Variants in FGD6 observed in about 807,000 individuals in gnomAD.
FGD6 encodes the protein FYVE, RhoGEF and PH domain containing 6, also known as FYVE, RhoGEF and PH domain-containing protein 6.
A neutral mutation model predicts 149.4 loss-of-function variants in FGD6; 90 were observed. The observed-to-expected ratio is 0.60, with a 90% CI of 0.51 to 0.72. FGD6 has a LOEUF of 0.72. FGD6 is among the 30% of genes least tolerant of loss of function. The pLI, the probability that FGD6 is intolerant of heterozygous loss-of-function variation, is 0.00. For missense variants in FGD6, 1,437 were observed against 1,684.8 expected, an observed-to-expected ratio of 0.85 and a Z score of 2.57; for synonymous variants, 527 against 584.0, an observed-to-expected ratio of 0.90 and a Z score of 1.41.
rs1388495716 is a variant in FGD6, at chr12:95,208,927, G to C, written c.2357C>G (p.Ala786Gly). 1.2e-6 allele frequency: 2 copies of C among 1,614,088 alleles called. No homozygotes were observed. Among genetic ancestry groups the C allele is most frequent in the South Asian group, 2.2e-5 (2 of 91,072 alleles). The change falls in exon 2 of 21, where the codon GCT (alanine) becomes GGT (glycine). Residue 786 changes from alanine to glycine, a missense_variant. Ala to Gly is a moderately conservative substitution (Grantham distance 60, BLOSUM62 0). Transcript: ENST00000343958. ...EWQNSSSMED[A>G]DANVYEVEEP... ...TTCTACCTCATACACATTTGCATCA[G>C]CGTCCTCCATGCTGCTGGAATTCTG...
Position 95,209,408 on chromosome 12 carries a change from A to C in FGD6, c.1876T>G (p.Ser626Ala). The change falls in exon 2 of 21, where the codon TCT (serine) becomes GCT (alanine). Residue 626 changes from serine to alanine, a missense_variant. Physicochemically the swap from Ser to Ala is moderately conservative, Grantham distance 99. Coordinates refer to ENST00000343958, the MANE Select transcript of FGD6 (RefSeq NM_018351.4). Reference sequence around the variant, plus strand: ...TTCATGCTGAGCAACTTTTTAAAAGAGTTTTTCTTTGTAGAGTCTTTGCAA... The same window carrying C: ...TTCATGCTGAGCAACTTTTTAAAAGCGTTTTTCTTTGTAGAGTCTTTGCAA... Reference protein sequence around the residue: ...KPCKDSTKKNSFKKLLSMKLS... With the variant: ...KPCKDSTKKNAFKKLLSMKLS... 2.5e-6 allele frequency: 4 copies of C among 1,612,954 alleles called. No individual in the cohort carries two copies. The highest frequency in any genetic ancestry group is 2.5e-6 in the Non-Finnish European group (3 of 1,179,292).
At chr12:95,083,011 A>AC (rs34409814) in intron 20 of FGD6, among the ~76,000 whole-genome samples, 3 of 60,726 alleles carry the variant, frequency 4.9e-5, no homozygotes, top group African/African-American at 1.9e-4. Context: ...AAAAAAAAAA[A>AC]AATATATATA....
At chr12:95,144,788 A>T (rs1879958014) in intron 5 of FGD6, among the ~76,000 whole-genome samples, 1 of 151,602 alleles carries the variant, frequency 6.6e-6, no homozygotes, top group Non-Finnish European at 1.5e-5. Context: ...CCCGAGTTCA[A>T]GTGATTTCTC....
At chr12:95,177,759 A>G (rs1355272754) in intron 2 of FGD6, among the ~76,000 whole-genome samples, 1 of 152,180 alleles carries the variant, frequency 6.6e-6, no homozygotes, top group Non-Finnish European at 1.5e-5. Context: ...ATAGCACACT[A>G]ACTATAAAAT....
chr12:95,097,658 A>AAAAC (rs1878281574), intron 14 of FGD6, among the ~76,000 whole-genome samples: 1 of 151,006 alleles, frequency 6.6e-6, no homozygotes, highest in Non-Finnish European at 1.5e-5. Context: ...AAAAAAAAAA[A>AAAAC]AGACCATGCC....
chr12:95,101,563 G>A (rs1009273288), intron 14 of FGD6, among the ~76,000 whole-genome samples: 5 of 151,932 alleles, frequency 3.3e-5, no homozygotes, highest in Non-Finnish European at 7.4e-5. Context: ...ATTAAAACTT[G>A]ACTTTTCTAT....
intron 16 of FGD6, 87 bp downstream of exon 16, chr12:95,092,612 G>A (rs1451329725): frequency 1.5e-6 from 2 of 1,329,758 alleles, no homozygotes; most frequent in Non-Finnish European, 2.1e-6. Context: ...GAACTATAAT[G>A]GTTTATGAGG....
Position 95,209,923 on chromosome 12 carries a change from C to T in FGD6, c.1361G>A (p.Ser454Asn), listed in dbSNP as rs1197545608. The change falls in exon 2 of 21, where the codon AGC becomes AAC. Residue 454 changes from serine to asparagine, a missense_variant. Ser to Asn is a conservative substitution (Grantham distance 46). Coordinates refer to ENST00000343958, the MANE Select transcript of FGD6 (RefSeq NM_018351.4). ...AGTTAATTTGAGCTGCTTAGGCAGG[C>T]TCATAGATACAGTACATCTTATAAA... ...TGFIRCTVSM[S>N]LPKQLKLTCN... The T allele has an allele frequency of 1.2e-6, 2 of 1,613,368 alleles. No homozygotes were observed. Among genetic ancestry groups the T allele is most frequent in the African/African-American group, 2.7e-5 (2 of 74,868 alleles).
At chr12:95,106,080 G>C (rs556798002) in intron 13 of FGD6, among the ~76,000 whole-genome samples, 15 of 150,170 alleles carry the variant, frequency 1.0e-4, no homozygotes, top group Non-Finnish European at 1.9e-4. Flanking sequence ...AAGGATATAA[G>C]AAAGATGTTT....
chr12:95,172,769 T>C (rs375775837), intron 2 of FGD6, 25 bp from the exon 3 acceptor site: 12 of 1,545,764 alleles, frequency 7.8e-6, no homozygotes, highest in Non-Finnish European at 8.8e-6. Context: ...AAGCAGGTAT[T>C]AGTCACCTTC....
chr12:95,163,565 C>T (rs1293927422), intron 3 of FGD6, among the ~76,000 whole-genome samples: 2 of 152,148 alleles, frequency 1.3e-5, no homozygotes, highest in African/African-American at 2.4e-5. Context: ...TTAATATTTA[C>T]GAATAAGCAA....
chr12:95,186,827 T>A (rs1258829532), intron 2 of FGD6, among the ~76,000 whole-genome samples: 1 of 152,188 alleles, frequency 6.6e-6, no homozygotes, highest in Non-Finnish European at 1.5e-5. Flanking sequence ...TGCCACATAC[T>A]AAGTAGGTGA....
intron 3 of FGD6, among the ~76,000 whole-genome samples, chr12:95,166,404 A>G (rs1160588118): frequency 6.6e-6 from 1 of 152,124 alleles, no homozygotes; most frequent in Non-Finnish European, 1.5e-5. Context: ...ATAGGTTTTT[A>G]CCCTTTTAAA....
intron 2 of FGD6, among the ~76,000 whole-genome samples, chr12:95,205,429 TTAGA>T (rs2136301287): frequency 1.3e-5 from 2 of 152,148 alleles, no homozygotes; most frequent in South Asian, 4.2e-4. Context: ...ATTCAGTGAA[TTAGA>T]GCCCTGACCC....
At chr12:95,204,073 C>G (rs905139596) in intron 2 of FGD6, among the ~76,000 whole-genome samples, 1 of 152,162 alleles carries the variant, frequency 6.6e-6, no homozygotes, top group African/African-American at 2.4e-5. Flanking sequence ...ATATCTGAAA[C>G]ATTTCAAGGA....
chr12:95,096,483 C>T (rs1878236386), intron 14 of FGD6, among the ~76,000 whole-genome samples: 1 of 152,198 alleles, frequency 6.6e-6, no homozygotes, highest in East Asian at 1.9e-4. Flanking sequence ...CTCTTTCTCT[C>T]TAAACCAAAC....
chr12:95,205,512 C>G (rs1444966375), intron 2 of FGD6, among the ~76,000 whole-genome samples: 2 of 152,166 alleles, frequency 1.3e-5, no homozygotes, highest in African/African-American at 4.8e-5. Flanking sequence ...AAATCTTAAA[C>G]AGAGTTCATT....
intron 2 of FGD6, among the ~76,000 whole-genome samples, chr12:95,180,898 G>A (rs1881263840): frequency 1.3e-5 from 2 of 151,538 alleles, no homozygotes; most frequent in South Asian, 4.2e-4. Flanking sequence ...TTCTTCCCAG[G>A]ATGATGAGAT....
chr12:95,157,584 G>C (rs369754172), intron 3 of FGD6, among the ~76,000 whole-genome samples: 2 of 84,892 alleles, frequency 2.4e-5, no homozygotes, highest in Non-Finnish European at 4.8e-5. Flanking sequence ...AAAAAAAAAA[G>C]AATATAAATA....
Sources: gnomAD v4.1 joint callset for allele counts (sites outside exome capture counted in the v4.1 genomes callset) on GRCh38, gnomAD v4.1.1 for gene constraint, MANE v1.5 for transcripts, NCBI Gene and HGNC (gene_info 2026-07-23, HGNC 2026-07-21) for gene names.